The following PTPRD variants were observed in gnomAD, a reference collection of about 807,000 sequenced individuals.
PTPRD encodes the protein receptor-type tyrosine-protein phosphatase delta.
Under a neutral mutation model 214.5 loss-of-function variants are expected in PTPRD, and 34 were observed. That is an observed-to-expected ratio of 0.16 (90% confidence interval 0.12 to 0.21). The LOEUF is 0.21. PTPRD is among the 10% of genes least tolerant of loss of function. PTPRD has a pLI of 1.00. For synonymous variants in PTPRD, 1,128 were observed against 845.7 expected (o/e 1.33, Z -5.79); for missense variants, 2,545 against 2,398.7 (o/e 1.06, Z -1.27).
At chr9:9,510,877 G>A (rs1160593458) in intron 8 of PTPRD, among the ~76,000 whole-genome samples, 1 of 151,594 alleles carries the variant, frequency 6.6e-6, no homozygotes, top group African/African-American at 2.4e-5. Context: ...AAATATCCCA[G>A]AGCAAGAAAG....
intron 9 of PTPRD, among the ~76,000 whole-genome samples, chr9:9,199,870 A>T (rs1215851421): frequency 6.6e-6 from 1 of 152,260 alleles, no homozygotes; most frequent in Non-Finnish European, 1.5e-5. Flanking sequence ...TGATTACTGG[A>T]CTTGGCATTA....
chr9:10,566,210 T>C (rs2065559004), intron 2 of PTPRD, among the ~76,000 whole-genome samples: 1 of 152,050 alleles, frequency 6.6e-6, no homozygotes, highest in Admixed American at 6.6e-5. Context: ...GTTTTTAAGA[T>C]GATGAACAAT....
At position 9,555,871 on chromosome 9, in the gene PTPRD, A is replaced by G. The variant is rs528121683; in HGVS notation, c.-237+18861T>C. On this transcript the variant is annotated intron_variant, in intron 8 of 45. Transcript: ENST00000381196. ...AATGCAAAACTAACGAATACACCTG[A>G]AAGTTCAAAAGATTGTCCTCCTCTA... 3.9e-5 allele frequency among the ~76,000 whole-genome samples: 6 copies of G among 152,288 alleles called. No homozygotes were observed. The South Asian group carries it at 1.0e-3, about 26-fold the overall frequency.
At chr9:10,394,770 G>T (rs2098135662) in intron 2 of PTPRD, among the ~76,000 whole-genome samples, 1 of 97,984 alleles carries the variant, frequency 1.0e-5, no homozygotes, top group East Asian at 3.1e-4. Flanking sequence ...TTAGATTTTT[G>T]ATTTTTGTTA....
intron 7 of PTPRD, among the ~76,000 whole-genome samples, chr9:9,692,981 G>A (rs1373569955): frequency 6.6e-6 from 1 of 151,972 alleles, no homozygotes; most frequent in Non-Finnish European, 1.5e-5. Context: ...TTTGTAACCT[G>A]AGAGTTTGCT....
At chr9:8,682,816 C>G (rs559875757) in intron 12 of PTPRD, among the ~76,000 whole-genome samples, 1 of 152,310 alleles carries the variant, frequency 6.6e-6, no homozygotes, top group African/African-American at 2.4e-5. Context: ...CAGATATTCA[C>G]TATTTTAGCT....
intron 2 of PTPRD, among the ~76,000 whole-genome samples, chr9:10,431,021 C>T (rs2098672531): frequency 6.6e-6 from 1 of 151,970 alleles, no homozygotes; most frequent in South Asian, 2.1e-4. Context: ...ATGCTTATCA[C>T]ACAGTAAGCT....
intron 8 of PTPRD, among the ~76,000 whole-genome samples, chr9:9,523,272 C>T (rs1026582591): frequency 6.6e-6 from 1 of 151,898 alleles, no homozygotes; most frequent in Non-Finnish European, 1.5e-5. Context: ...CTTTACTATC[C>T]CTTGACTGAT....
intron 9 of PTPRD, among the ~76,000 whole-genome samples, chr9:9,336,011 GAA>G (rs962816539): frequency 6.6e-6 from 1 of 151,794 alleles, no homozygotes; most frequent in African/African-American, 2.4e-5. Flanking sequence ...GGAATTTCAG[GAA>G]AAAATGCACA....
chr9:8,791,165 G>C (rs1026668169), intron 11 of PTPRD, among the ~76,000 whole-genome samples: 3 of 152,166 alleles, frequency 2.0e-5, no homozygotes, highest in Non-Finnish European at 4.4e-5. Flanking sequence ...GTAAACATGA[G>C]AAACAGTGAC....
At chr9:8,767,936 T>C (rs2094889212) in intron 11 of PTPRD, among the ~76,000 whole-genome samples, 2 of 152,152 alleles carry the variant, frequency 1.3e-5, no homozygotes, top group African/African-American at 4.8e-5. Context: ...TGGTGAGAAT[T>C]AGGATAAAGA....
chr9:8,392,563 T>G (rs1481042666), intron 36 of PTPRD, among the ~76,000 whole-genome samples: 1 of 152,086 alleles, frequency 6.6e-6, no homozygotes. Flanking sequence ...GAAAAATACG[T>G]AATTGAAAAC....
intron 3 of PTPRD, among the ~76,000 whole-genome samples, chr9:10,163,397 C>A (rs978537643): frequency 5.3e-5 from 8 of 151,318 alleles, no homozygotes; most frequent in Admixed American, 4.6e-4. Flanking sequence ...ACTGTTATAA[C>A]ATTTTAAAAT....
At chr9:8,946,414 T>C (rs1356195601) in intron 11 of PTPRD, among the ~76,000 whole-genome samples, 1 of 152,134 alleles carries the variant, frequency 6.6e-6, no homozygotes, top group Non-Finnish European at 1.5e-5. Flanking sequence ...GAAAGTTACT[T>C]TACCTCTACC....
chr9:9,096,585 T>G (rs2099783863), intron 10 of PTPRD, among the ~76,000 whole-genome samples: 1 of 152,212 alleles, frequency 6.6e-6, no homozygotes, highest in African/African-American at 2.4e-5. Flanking sequence ...ATTTCTTTTT[T>G]TTAAAAATAT....
intron 10 of PTPRD, among the ~76,000 whole-genome samples, chr9:9,099,406 G>A (rs1591598917): frequency 6.6e-6 from 1 of 152,096 alleles, no homozygotes; most frequent in South Asian, 2.1e-4. Context: ...TGCTAATCAT[G>A]TTTGTCTTGA....
intron 21 of PTPRD, among the ~76,000 whole-genome samples, chr9:8,514,802 T>C (rs1261243439): frequency 6.6e-6 from 1 of 152,160 alleles, no homozygotes; most frequent in Non-Finnish European, 1.5e-5. Context: ...AAATCTCTTC[T>C]CAAACTGTAA....
At chr9:10,552,340 G>A (rs190771558) in intron 2 of PTPRD, among the ~76,000 whole-genome samples, 1 of 152,238 alleles carries the variant, frequency 6.6e-6, no homozygotes, top group Non-Finnish European at 1.5e-5. Context: ...ATCACACCAT[G>A]CTTTTGGATA....
At chr9:8,661,125 GCT>G (rs1565079548) in intron 12 of PTPRD, among the ~76,000 whole-genome samples, 10 of 151,940 alleles carry the variant, frequency 6.6e-5, no homozygotes. Context: ...TAAATACCCT[GCT>G]CTTTTTCATA....
Sources: gnomAD v4.1 joint callset for allele counts (sites outside exome capture counted in the v4.1 genomes callset) on GRCh38, gnomAD v4.1.1 for gene constraint, MANE v1.5 for transcripts, NCBI Gene and HGNC (gene_info 2026-07-23, HGNC 2026-07-21) for gene names.